Variants in GPC5 observed in about 807,000 individuals in gnomAD.
GPC5 encodes the protein glypican 5.
Under a neutral mutation model 53.9 loss-of-function variants are expected in GPC5, and 47 were observed. The ratio of observed to expected loss-of-function variants is 0.87; its 90% CI spans 0.69 to 1.11. The LOEUF is 1.11. Among genes scored for constraint, GPC5 ranks in the 50% most tolerant of loss-of-function variants. GPC5 has a pLI of 0.00. For synonymous variants in GPC5, 286 were observed against 263.3 expected (o/e 1.09, Z -0.84); for missense variants, 748 against 713.1 (o/e 1.05, Z -0.56).
intron 2 of GPC5, among the ~76,000 whole-genome samples, chr13:91,498,123 C>G (rs961620803): frequency 4.0e-5 from 6 of 151,696 alleles, no homozygotes; most frequent in African/African-American, 1.5e-4. Flanking sequence ...TTTTCACCCC[C>G]CTACCTCTAA....
chr13:91,521,459 A>G (rs1013792946), intron 2 of GPC5, among the ~76,000 whole-genome samples: 1 of 152,192 alleles, frequency 6.6e-6, no homozygotes, highest in African/African-American at 2.4e-5. Flanking sequence ...ATACAGATAA[A>G]TAGAAATACT....
chr13:91,569,599 G>A (rs1169964035), intron 2 of GPC5, among the ~76,000 whole-genome samples: 2 of 152,108 alleles, frequency 1.3e-5, no homozygotes, highest in African/African-American at 4.8e-5. Context: ...AGTTTTAAAT[G>A]TAACAAAATA....
chr13:91,965,180 T>G (rs1436832284), intron 6 of GPC5, among the ~76,000 whole-genome samples: 2 of 151,928 alleles, frequency 1.3e-5, no homozygotes, highest in African/African-American at 4.8e-5. Flanking sequence ...AATGTATACA[T>G]GTGTAAAAAA....
chr13:92,121,415 CTG>C (rs2041648121), intron 6 of GPC5, among the ~76,000 whole-genome samples: 1 of 152,236 alleles, frequency 6.6e-6, no homozygotes, highest in Non-Finnish European at 1.5e-5. Flanking sequence ...TCAGGTCTAA[CTG>C]TCATTCAGCT....
intron 5 of GPC5, among the ~76,000 whole-genome samples, chr13:91,765,939 G>A (rs1250779276): frequency 6.6e-6 from 1 of 152,148 alleles, no homozygotes; most frequent in African/African-American, 2.4e-5. Context: ...GATGGGAACG[G>A]AGTGTTATAC....
chr13:91,431,905 T>C (rs1046955170), intron 1 of GPC5, among the ~76,000 whole-genome samples: 1 of 152,178 alleles, frequency 6.6e-6, no homozygotes, highest in African/African-American at 2.4e-5. Flanking sequence ...AGGTCTTTAG[T>C]GTGTATAGAT....
At chr13:92,210,404 T>C (rs1238506005) in intron 7 of GPC5, among the ~76,000 whole-genome samples, 1 of 152,182 alleles carries the variant, frequency 6.6e-6, no homozygotes, top group South Asian at 2.1e-4. Flanking sequence ...TTCTTGAGAA[T>C]TGGGGTTCAG....
chr13:92,653,267 T>G (rs2139169643), intron 7 of GPC5, among the ~76,000 whole-genome samples: 1 of 152,290 alleles, frequency 6.6e-6, no homozygotes, highest in East Asian at 1.9e-4. Flanking sequence ...AATTATTGGT[T>G]GATGGCTGCT....
chr13:92,125,476 A>G (rs2041686982), intron 6 of GPC5, among the ~76,000 whole-genome samples: 1 of 152,152 alleles, frequency 6.6e-6, no homozygotes, highest in African/African-American at 2.4e-5. Flanking sequence ...AGTTGAAGCA[A>G]CGTGAATGAT....
chr13:91,429,729 G>A (rs1257279306), intron 1 of GPC5, among the ~76,000 whole-genome samples: 2 of 152,174 alleles, frequency 1.3e-5, no homozygotes, highest in East Asian at 3.8e-4. Flanking sequence ...TATTCATTAT[G>A]CAAAACAAAC....
intron 7 of GPC5, among the ~76,000 whole-genome samples, chr13:92,575,285 A>G (rs73621524): frequency 0.012 from 1,807 of 152,298 alleles, 38 homozygotes; most frequent in African/African-American, 0.041. Context: ...ACCATCCTGG[A>G]CTTAGGGTCC....
At chr13:92,538,479 AC>A (rs1881800305) in intron 7 of GPC5, among the ~76,000 whole-genome samples, 1 of 133,126 alleles carries the variant, frequency 7.5e-6, no homozygotes, top group African/African-American at 2.9e-5. Context: ...TTTTTTAATT[AC>A]ACTTTAAGTT....
intron 7 of GPC5, among the ~76,000 whole-genome samples, chr13:92,823,815 A>G (rs1182417668): frequency 3.3e-5 from 5 of 152,080 alleles, no homozygotes; most frequent in African/African-American, 1.2e-4. Flanking sequence ...CTGTTAAAAC[A>G]CTACCTAATA....
intron 7 of GPC5, among the ~76,000 whole-genome samples, chr13:92,748,023 C>A (rs939387229): frequency 1.3e-5 from 2 of 151,878 alleles, no homozygotes; most frequent in African/African-American, 2.4e-5. Context: ...ACGATGATGG[C>A]CTGAGGTAGT....
At chr13:91,581,639 T>C (rs952535448) in intron 2 of GPC5, among the ~76,000 whole-genome samples, 3 of 152,342 alleles carry the variant, frequency 2.0e-5, no homozygotes, top group Admixed American at 1.3e-4. Context: ...GTGCATAAAA[T>C]ATTTGTAATT....
intron 1 of GPC5, among the ~76,000 whole-genome samples, chr13:91,445,817 A>G (rs1880763718): frequency 6.6e-6 from 1 of 152,088 alleles, no homozygotes; most frequent in Non-Finnish European, 1.5e-5. Flanking sequence ...CCCATTTAAT[A>G]TTTTCAGACT....
intron 1 of GPC5, among the ~76,000 whole-genome samples, chr13:91,432,535 A>G (rs1879578520): frequency 6.6e-6 from 1 of 152,202 alleles, no homozygotes; most frequent in Non-Finnish European, 1.5e-5. Flanking sequence ...GAGGGGCAGT[A>G]TTAGCTCTTC....
intron 7 of GPC5, among the ~76,000 whole-genome samples, chr13:92,525,172 C>T (rs1010457864): frequency 1.9e-4 from 29 of 151,998 alleles, no homozygotes; most frequent in African/African-American, 6.5e-4. Flanking sequence ...TCAGTCATCT[C>T]ACAGTGGATG....
intron 7 of GPC5, among the ~76,000 whole-genome samples, chr13:92,557,006 T>G (rs376842264): frequency 2.0e-5 from 3 of 151,906 alleles, no homozygotes; most frequent in African/African-American, 7.2e-5. Flanking sequence ...AATGTTTTAA[T>G]CTTTGCAATA....
Sources: gnomAD v4.1 joint callset for allele counts (sites outside exome capture counted in the v4.1 genomes callset) on GRCh38, gnomAD v4.1.1 for gene constraint, MANE v1.5 for transcripts, NCBI Gene and HGNC (gene_info 2026-07-23, HGNC 2026-07-21) for gene names.